Variants in GALNT2 observed in about 807,000 individuals in gnomAD.
GALNT2 encodes polypeptide N-acetylgalactosaminyltransferase 2, also known as UDP-GalNAc:polypeptide N-acetylgalactosaminyltransferase 2.
A neutral mutation model predicts 81.4 loss-of-function variants in GALNT2; 31 were observed. The ratio of observed to expected loss-of-function variants is 0.38; its 90% CI spans 0.29 to 0.51. The LOEUF is 0.51. GALNT2 is among the 20% of genes least tolerant of loss of function. The pLI, the probability that GALNT2 is intolerant of heterozygous loss-of-function variation, is 0.87. For synonymous variants in GALNT2, 303 were observed against 287.4 expected (o/e 1.05, Z -0.55); for missense variants, 629 against 765.7 (o/e 0.82, Z 2.11).
At chr1:230,135,475 G>C (rs771214263) in intron 1 of GALNT2, among the ~76,000 whole-genome samples, 7 of 152,128 alleles carry the variant, frequency 4.6e-5, no homozygotes, top group Admixed American at 2.6e-4. Flanking sequence ...TTTTCTTTCG[G>C]TGAATTGTCA....
chr1:230,100,882 C>T (rs373252259), intron 1 of GALNT2, among the ~76,000 whole-genome samples: 1 of 152,140 alleles, frequency 6.6e-6, no homozygotes. Flanking sequence ...TGTACACATG[C>T]GTATACAGTC....
chr1:230,114,745 G>A (rs1660796626), intron 1 of GALNT2, among the ~76,000 whole-genome samples: 2 of 152,208 alleles, frequency 1.3e-5, no homozygotes, highest in African/African-American at 2.4e-5. Context: ...TGCTAAATAC[G>A]TGGTGTGGCA....
At chr1:230,119,696 C>T (rs987012311) in intron 1 of GALNT2, among the ~76,000 whole-genome samples, 7 of 152,100 alleles carry the variant, frequency 4.6e-5, no homozygotes, top group African/African-American at 1.7e-4. Flanking sequence ...AAGATAACAC[C>T]CATGTCAGTT....
At chr1:230,278,104 TTTTC>T (rs1281525451) in intron 15 of GALNT2, among the ~76,000 whole-genome samples, 30 of 150,630 alleles carry the variant, frequency 2.0e-4, no homozygotes, top group South Asian at 8.4e-4. Context: ...ATTTTTCTGT[TTTTC>T]TTTCTTTTTT....
intron 1 of GALNT2, among the ~76,000 whole-genome samples, chr1:230,061,192 ATGTGTGTGTGTGTGTG>A (rs58105454): frequency 6.7e-6 from 1 of 148,834 alleles, no homozygotes; most frequent in Non-Finnish European, 1.5e-5. Flanking sequence ...ATGAGCATAG[ATGTGTGTGTGTGTGTG>A]TGTGTGTGTG....
chr1:230,129,863 TG>T (rs905654678), intron 1 of GALNT2, among the ~76,000 whole-genome samples: 1 of 152,222 alleles, frequency 6.6e-6, no homozygotes, highest in Non-Finnish European at 1.5e-5. Flanking sequence ...ATCAGTGCAT[TG>T]GATCTGAAAG....
intron 3 of GALNT2, among the ~76,000 whole-genome samples, chr1:230,224,889 C>A (rs538886165): frequency 6.6e-6 from 1 of 152,116 alleles, no homozygotes; most frequent in Non-Finnish European, 1.5e-5. Flanking sequence ...GACTCCTATA[C>A]GTTGCAGAAT....
chr1:230,160,712 T>G (rs1275856847), intron 1 of GALNT2, among the ~76,000 whole-genome samples: 1 of 141,878 alleles, frequency 7.0e-6, no homozygotes, highest in African/African-American at 2.6e-5. Context: ...AGACTCCATC[T>G]AAAAAAAAAA....
intron 1 of GALNT2, among the ~76,000 whole-genome samples, chr1:230,060,237 C>G (rs1264166615): frequency 1.3e-5 from 2 of 152,196 alleles, no homozygotes; most frequent in Non-Finnish European, 2.9e-5. Flanking sequence ...ACATCCTTGG[C>G]CAGAATACAT....
intron 1 of GALNT2, among the ~76,000 whole-genome samples, chr1:230,168,932 A>G (rs1302200942): frequency 2.6e-5 from 4 of 152,174 alleles, no homozygotes; most frequent in Admixed American, 2.0e-4. Flanking sequence ...ACCACATTCC[A>G]GTTAGTGATT....
intron 1 of GALNT2, among the ~76,000 whole-genome samples, chr1:230,146,265 T>TG (rs1179120022): frequency 1.3e-5 from 2 of 152,246 alleles, no homozygotes. Flanking sequence ...GAGGAAGCTT[T>TG]GGGAGGAGTC....
intron 1 of GALNT2, among the ~76,000 whole-genome samples, chr1:230,071,659 C>A (rs1474926): frequency 0.62 from 93,733 of 151,972 alleles, 33,633 homozygotes; most frequent in Non-Finnish European, 0.79. Context: ...AGGGGAACAC[C>A]CATACCACTC....
At chr1:230,167,617 G>A (rs2102853748) in intron 1 of GALNT2, among the ~76,000 whole-genome samples, 1 of 152,378 alleles carries the variant, frequency 6.6e-6, no homozygotes, top group Admixed American at 6.5e-5. Context: ...TGTGGGCTGA[G>A]GTGAAGTGGG....
intron 1 of GALNT2, among the ~76,000 whole-genome samples, chr1:230,076,761 A>G (rs1267926028): frequency 6.6e-6 from 1 of 152,184 alleles, no homozygotes; most frequent in Non-Finnish European, 1.5e-5. Context: ...CCAATCCCAT[A>G]AAACCATTGG....
intron 1 of GALNT2, among the ~76,000 whole-genome samples, chr1:230,126,747 G>T (rs1403789337): frequency 6.6e-6 from 1 of 152,198 alleles, no homozygotes; most frequent in African/African-American, 2.4e-5. Flanking sequence ...CTCATTGGAG[G>T]TCATAGATTT....
chr1:230,119,453 T>C (rs1474533116), intron 1 of GALNT2, among the ~76,000 whole-genome samples: 3 of 152,224 alleles, frequency 2.0e-5, no homozygotes, highest in Non-Finnish European at 2.9e-5. Context: ...GCGAGGCTGC[T>C]CGCCACGTGG....
chr1:230,068,947 AC>A (rs1213892758), intron 1 of GALNT2, among the ~76,000 whole-genome samples: 1 of 152,198 alleles, frequency 6.6e-6, no homozygotes, highest in Non-Finnish European at 1.5e-5. Flanking sequence ...ATCGTGTAAA[AC>A]TGGAATGATT....
chr1:230,205,823 C>T (rs569414621), intron 3 of GALNT2, among the ~76,000 whole-genome samples: 18 of 151,746 alleles, frequency 1.2e-4, no homozygotes, highest in Non-Finnish European at 1.6e-4. Context: ...GGTGCTTCTC[C>T]GGCCCCCACC....
intron 1 of GALNT2, among the ~76,000 whole-genome samples, chr1:230,144,513 G>T (rs972542569): frequency 6.6e-6 from 1 of 152,132 alleles, no homozygotes; most frequent in African/African-American, 2.4e-5. Flanking sequence ...TAATTATGTC[G>T]ACTTCAGTAT....
Sources: gnomAD v4.1 joint callset for allele counts (sites outside exome capture counted in the v4.1 genomes callset) on GRCh38, gnomAD v4.1.1 for gene constraint, MANE v1.5 for transcripts, NCBI Gene and HGNC (gene_info 2026-07-23, HGNC 2026-07-21) for gene names.